CFAP74: variants seen among roughly 807,000 people sequenced by gnomAD.
The protein encoded by CFAP74 is cilia and flagella associated protein 74.
A neutral mutation model predicts 188.9 loss-of-function variants in CFAP74; 124 were observed. The observed-to-expected ratio is 0.66, with a 90% CI of 0.57 to 0.76. The LOEUF (loss-of-function observed/expected upper bound fraction) is 0.76. CFAP74 is among the 30% of genes least tolerant of loss of function. CFAP74 has a pLI of 0.00. For missense variants in CFAP74, 2,198 were observed against 2,165.2 expected, an observed-to-expected ratio of 1.02 and a Z score of -0.30; for synonymous variants, 956 against 916.7, an observed-to-expected ratio of 1.04 and a Z score of -0.77.
At chr1:1,992,955 C>T (rs913234765) in intron 1 of CFAP74, among the ~76,000 whole-genome samples, 9 of 151,328 alleles carry the variant, frequency 5.9e-5, no homozygotes, top group African/African-American at 1.5e-4. Flanking sequence ...AATCCCAGCA[C>T]TTTGGGAGGC....
At chr1:1,961,481 C>CT (rs1423399583) in intron 14 of CFAP74, among the ~76,000 whole-genome samples, 1 of 152,254 alleles carries the variant, frequency 6.6e-6, no homozygotes, top group Non-Finnish European at 1.5e-5. Flanking sequence ...AGAGTGGTGG[C>CT]CTCAACCTGT....
chr1:1,985,362 A>G, intron 6 of CFAP74, 24 bp downstream of exon 6: 2 of 1,588,596 alleles, frequency 1.3e-6, no homozygotes, highest in Admixed American at 3.3e-5. Context: ...GCCTGCTGCC[A>G]GTCCCGGCTG....
In CFAP74 at chr1:1,942,058, G is replaced by A. The variant is rs946707534; in HGVS notation, c.2585C>T (p.Ser862Phe). Residue 862 changes from serine to phenylalanine, a missense_variant, in exon 22 of 39, where the codon TCC (serine) becomes TTC (phenylalanine). Physicochemically the swap from Ser to Phe is radical, Grantham distance 155 (BLOSUM62 -2). Transcript: ENST00000682832. The surrounding 1 kb of genome is among the most constrained non-coding windows in gnomAD (Gnocchi z 4.3). ...PKTGYIQAQS[S>F]YSVQLKFLPR... ...CAGGAACTTGAGCTGCACGGAGTAG[G>A]ACGACTGTGCCTGGATATAGCCTGT... The A allele has an allele frequency of 3.1e-5, 47 of 1,530,674 alleles. No homozygotes were observed. Among genetic ancestry groups the A allele is most frequent in the Non-Finnish European group, 3.9e-5 (45 of 1,144,768 alleles). 94.8% of individuals were successfully genotyped at this position (1,530,674 alleles called of 1,614,324 possible).
Position 1,923,055 on chromosome 1 carries a change from G to A in CFAP74, c.4613C>T (p.Thr1538Met), listed in dbSNP as rs765513822. The A allele has an allele frequency of 9.9e-6, 16 of 1,608,544 alleles. No homozygotes were observed. Among genetic ancestry groups the A allele is most frequent in the African/African-American group, 2.7e-5 (2 of 74,582 alleles). ...CTCTCGGGTGGCAGGTGGGGCTGGC[G>A]TGTCTGTGTCAAACTGGATGTAGTC... ...TLDYIQFDTDTPAPPATRELQ... is the reference protein window; with the variant it reads ...TLDYIQFDTDMPAPPATRELQ... Residue 1538 changes from threonine to methionine, a missense_variant, in exon 37 of 39, where the codon ACG (threonine) becomes ATG (methionine). Transcript: ENST00000682832. This position sits in a 1 kb window ranked among gnomAD's most constrained non-coding sequence, Gnocchi z 6.3.
chr1:1,985,463 C>T lies in CFAP74; in HGVS notation c.423G>A (p.Val141=). ...NMAAVGRLQA[V]SRRLFAELEN... ...CCAGCTCTGCAAACAGGCGTCTGGACACGGCCTGGAGGCGGCCCACAGCGG... is the reference window on the plus strand; with the variant it reads ...CCAGCTCTGCAAACAGGCGTCTGGATACGGCCTGGAGGCGGCCCACAGCGG... The change falls in exon 6 of 39, where the codon GTG becomes GTA. Residue 141 remains valine (V), a synonymous_variant. Coordinates refer to ENST00000682832, the MANE Select transcript of CFAP74 (RefSeq NM_001304360.2). 1 of 1,613,982 alleles carries T rather than the reference C, an allele frequency of 6.2e-7. No individual in the cohort carries two copies. Among genetic ancestry groups the T allele is most frequent in the Non-Finnish European group, 8.5e-7 (1 of 1,180,032 alleles).
chr1:1,986,600 C>A (rs1657254793), intron 5 of CFAP74, among the ~76,000 whole-genome samples: 1 of 152,240 alleles, frequency 6.6e-6, no homozygotes, highest in African/African-American at 2.4e-5. Flanking sequence ...TCCCCCAGGC[C>A]CCTCCCACCT....
rs1398869312 is a variant in CFAP74, at chr1:1,973,036, T to G, written c.686A>C (p.Asn229Thr). 6.2e-7 allele frequency: 1 copy of G among 1,613,452 alleles called. No individual in the cohort carries two copies. Among genetic ancestry groups the G allele is most frequent in the South Asian group, 1.1e-5 (1 of 91,020 alleles). Residue 229 changes from asparagine to threonine, a missense_variant, in exon 8 of 39, where the codon AAC (asparagine) becomes ACC (threonine). By Grantham distance (65) the Asn-to-Thr change is moderately conservative (BLOSUM62 0). Coordinates refer to ENST00000682832, the MANE Select transcript of CFAP74 (RefSeq NM_001304360.2). The surrounding 1 kb of genome is among the most constrained non-coding windows in gnomAD (Gnocchi z 6.2). ...NRLLRIRKSL[N>T]TQKELGLRHQ... ...CCTGAGCCCGAGCTCCTTCTGGGTG[T>G]TCAGGGACTTCCTGTGGGGATATGG...
intron 9 of CFAP74, among the ~76,000 whole-genome samples, chr1:1,971,249 ACT>A (rs143525419): frequency 1.8e-3 from 264 of 145,992 alleles, no homozygotes; most frequent in Non-Finnish European, 3.0e-3. Context: ...ACATGCACAC[ACT>A]CACGCATGCA....
At position 1,981,474 on chromosome 1, in the gene CFAP74, G is replaced by A. The variant is rs527354420; in HGVS notation, c.500+3912C>T. ...GGGGGCACGCAGGACACCCAGCCGCGGTCACACGCGGGGGCACGCAGGACA... is the reference window on the plus strand; with the variant it reads ...GGGGGCACGCAGGACACCCAGCCGCAGTCACACGCGGGGGCACGCAGGACA... On this transcript the variant is annotated intron_variant, in intron 6 of 38. Transcript: ENST00000682832. 9.5e-4 allele frequency among the ~76,000 whole-genome samples: 135 copies of A among 142,802 alleles called. 4 individuals carry two copies. Among genetic ancestry groups the A allele is most frequent in the African/African-American group, 3.4e-3 (127 of 37,176 alleles). 93.7% of individuals were successfully genotyped at this position (142,802 alleles called of 152,430 possible).
chr1:1,960,097 C>T (rs776345360), intron 14 of CFAP74, 67 bp from the exon 15 acceptor site: 1 of 1,396,014 alleles, frequency 7.2e-7, no homozygotes, highest in Non-Finnish European at 1.0e-6. Flanking sequence ...CCTCACCACC[C>T]AGAGCACAGT....
At chr1:1,961,771 T>G (rs928214501) in intron 14 of CFAP74, among the ~76,000 whole-genome samples, 3 of 151,970 alleles carry the variant, frequency 2.0e-5, no homozygotes, top group African/African-American at 7.3e-5. Flanking sequence ...GCTACGAAGG[T>G]CTGAAAAACT....
chr1:1,928,511 C>T (rs1024663086), intron 27 of CFAP74, among the ~76,000 whole-genome samples: 27 of 152,170 alleles, frequency 1.8e-4, no homozygotes, highest in African/African-American at 5.8e-4. Flanking sequence ...TCATTGCATC[C>T]GCTGCACCCC....
At chr1:1,981,664 G>A (rs13303052) in intron 6 of CFAP74, among the ~76,000 whole-genome samples, 18 of 81,596 alleles carry the variant, frequency 2.2e-4, no homozygotes, top group Non-Finnish European at 3.9e-4. Flanking sequence ...AGACACAGGG[G>A]CACGCAGGAC....
rs35213058 is a variant in CFAP74, at chr1:1,966,453, TCCC to T, written c.1316_1318del (p.Gly439del). ...TTCCTCCTCTGAGCTGGCCCCGGGG[TCCC>T]CCTGGATAAGCTCACTGGAAACGAC... On this transcript the variant is annotated inframe_deletion, in exon 12 of 39. Transcript: ENST00000682832. 2 of 1,603,010 alleles carry T rather than the reference TCCC, an allele frequency of 1.2e-6. No individual in the cohort carries two copies. The highest frequency in any genetic ancestry group is 8.5e-7 in the Non-Finnish European group (1 of 1,174,036).
chr1:1,959,021 C>G, intron 16 of CFAP74, 99 bp downstream of exon 16: 1 of 795,380 alleles, frequency 1.3e-6, no homozygotes, highest in Non-Finnish European at 2.1e-6. Flanking sequence ...ACCTGGTCCC[C>G]CCGCCAACCT....
In CFAP74 at chr1:1,928,721, G is replaced by C. The variant is rs555220034; in HGVS notation, c.3387+63C>G. 27 of 1,273,356 alleles carry C rather than the reference G, an allele frequency of 2.1e-5. No homozygotes were observed. The African/African-American group carries it at 3.7e-4, about 17-fold the overall frequency. The allele number at this position is 1,273,356 out of a possible 1,614,324, so 78.9% of individuals were successfully genotyped here. On this transcript the variant is annotated intron_variant, in intron 27 of 38. Coordinates refer to ENST00000682832, the MANE Select transcript of CFAP74 (RefSeq NM_001304360.2). ...GAGCCCCCCAGGACTCGAAGGCGGT[G>C]GAGTTTGTTCCTGCAACAGGCCCTT...
intron 5 of CFAP74, 89 bp from the exon 6 acceptor site, chr1:1,985,579 C>G (rs1007734708): frequency 1.9e-6 from 2 of 1,045,412 alleles, no homozygotes; most frequent in African/African-American, 3.2e-5. Flanking sequence ...CTGGCCTCCT[C>G]TCGCTCAGGA....
chr1:1,981,702 C>T (rs1381104138), intron 6 of CFAP74, among the ~76,000 whole-genome samples: 10 of 131,162 alleles, frequency 7.6e-5, no homozygotes, highest in Admixed American at 6.9e-4. Context: ...CACGGGGGCA[C>T]GCAGGACACC....
chr1:1,947,133 A>G, intron 18 of CFAP74, 79 bp from the exon 19 acceptor site: 1 of 1,035,964 alleles, frequency 9.7e-7, no homozygotes, highest in Non-Finnish European at 1.4e-6. Context: ...GGACGTGGTC[A>G]CCACCTCCAA....
Sources: allele counts gnomAD v4.1 joint callset (sites outside exome capture counted in the v4.1 genomes callset), GRCh38; gene constraint gnomAD v4.1.1; non-coding constraint Gnocchi (gnomAD v3.1); transcripts MANE v1.5; gene names NCBI Gene and HGNC (gene_info 2026-07-23, HGNC 2026-07-21).